The following RBM38 variants were observed in gnomAD, a reference collection of about 807,000 sequenced individuals.
RBM38 encodes the protein RNA-binding protein 38.
RBM38 carries 11 observed loss-of-function variants against 23.5 expected under a neutral mutation model. That is an observed-to-expected ratio of 0.47 (90% CI 0.29 to 0.77). The LOEUF (loss-of-function observed/expected upper bound fraction) is 0.77, where lower values mean the gene tolerates loss of function less well. RBM38 is among the 30% of genes least tolerant of loss of function. The probability of loss-of-function intolerance (pLI) is 0.08; values close to 1 mark genes in which losing one functional copy is unlikely to be tolerated. For synonymous variants in RBM38, 165 were observed against 166.1 expected (o/e 0.99, Z 0.05); for missense variants, 330 against 351.9 (o/e 0.94, Z 0.50).
rs1293896957 is a variant in RBM38 at position 57,392,773 on chromosome 20, G to A, written c.357G>A (p.Gln119=). The A allele has an allele frequency of 6.8e-6, 11 of 1,612,898 alleles. No individual in the cohort carries two copies. The highest frequency in any genetic ancestry group is 1.1e-5 in the South Asian group (1 of 91,076). The change falls in exon 2 of 4, where the codon CAG becomes CAA. Residue 119 remains glutamine (Q), a synonymous_variant. Transcript: ENST00000356208. ...TGGGCGCCAAGCCGCGGAGCCTCCA[G>A]ACGGGTGAGAGCTTGTGTTTTCCTG... is the stretch of plus-strand genomic sequence containing the variant. ...AYLGAKPRSL[Q]TGFAIGVQQL...
rs559155972 is a variant in RBM38 at position 57,396,037 on chromosome 20, C to G, written c.416+2704C>G. On this transcript the variant is annotated intron_variant, in intron 3 of 3. Coordinates refer to ENST00000356208, the MANE Select transcript of RBM38 (RefSeq NM_017495.6). ...CTTTTATACCTTGCCCTGGACAACTCTGAAGATCCCACAGCTCTGCTTTTA... is the reference window on the plus strand; with the variant it reads ...CTTTTATACCTTGCCCTGGACAACTGTGAAGATCCCACAGCTCTGCTTTTA... 9.8e-5 allele frequency among the ~76,000 whole-genome samples: 15 copies of G among 152,364 alleles called. No individual in the cohort carries two copies. In the East Asian group the frequency reaches 2.5e-3, roughly 25 times the overall value.
intron 3 of RBM38, among the ~76,000 whole-genome samples, chr20:57,403,268 G>T (rs536921321): frequency 1.3e-5 from 2 of 152,182 alleles, no homozygotes; most frequent in Admixed American, 6.5e-5. Context: ...AGGAAACTGC[G>T]CCTTGGAAGT....
chr20:57,402,493 G>A (rs550311885), intron 3 of RBM38, among the ~76,000 whole-genome samples: 1 of 152,206 alleles, frequency 6.6e-6, no homozygotes, highest in Non-Finnish European at 1.5e-5. Flanking sequence ...GAGAGTGCAG[G>A]AGAGTCCCAC....
At chr20:57,400,391 C>T (rs1457275640) in intron 3 of RBM38, among the ~76,000 whole-genome samples, 2 of 152,188 alleles carry the variant, frequency 1.3e-5, no homozygotes, top group Admixed American at 1.3e-4. Context: ...TCCCCCTGTC[C>T]TCTCCTGGGC....
Position 57,392,674 on chromosome 20 carries a change from G to A in RBM38, c.258G>A (p.Ala86=), listed in dbSNP as rs2067232634. The change falls in exon 2 of 4, where the codon GCG becomes GCA. Residue 86 remains alanine (A), a synonymous_variant. Coordinates refer to ENST00000356208, the MANE Select transcript of RBM38 (RefSeq NM_017495.6). ...GYGFVTMADR[A]AAERACKDPN... ...ACCAGGTGACCATGGCCGACCGGGC[G>A]GCAGCTGAGAGGGCTTGCAAAGACC... 2 of 1,612,462 alleles carry A rather than the reference G, an allele frequency of 1.2e-6. No homozygotes were observed. Among genetic ancestry groups the A allele is most frequent in the Non-Finnish European group, 1.7e-6 (2 of 1,179,734 alleles).
At chr20:57,404,980 G>A (rs138993001) in intron 3 of RBM38, among the ~76,000 whole-genome samples, 43 of 152,318 alleles carry the variant, frequency 2.8e-4, no homozygotes, top group Non-Finnish European at 5.9e-4. Context: ...GCCACGAGAG[G>A]GTTGTGCACA....
rs2067394981 is a variant in RBM38 at position 57,407,255 on chromosome 20, G to C, written c.417-288G>C. On this transcript the variant is annotated intron_variant, in intron 3 of 3. Coordinates refer to ENST00000356208, the MANE Select transcript of RBM38 (RefSeq NM_017495.6). The surrounding 1 kb of genome is among the most constrained non-coding windows in gnomAD (Gnocchi z 4.0). Reference sequence around the variant, plus strand: ...ATTCAAGATTTTTATTTTTGCACCAGCTCCGGGGATGTGGGGTGTAGGGCT... The same window carrying C: ...ATTCAAGATTTTTATTTTTGCACCACCTCCGGGGATGTGGGGTGTAGGGCT... Among the ~76,000 whole-genome samples the C allele has an allele frequency of 6.6e-6, 1 of 152,194 alleles. No individual in the cohort carries two copies. Among genetic ancestry groups the C allele is most frequent in the South Asian group, 2.1e-4 (1 of 4,838 alleles).
intron 3 of RBM38, among the ~76,000 whole-genome samples, chr20:57,400,986 C>T (rs1055293756): frequency 6.6e-6 from 1 of 152,190 alleles, no homozygotes; most frequent in Non-Finnish European, 1.5e-5. Context: ...GGAGCAAGTG[C>T]CGTGTGCCCA....
chr20:57,392,837 T>TGTC, intron 2 of RBM38, 60 bp downstream of exon 2: 1 of 1,582,340 alleles, frequency 6.3e-7, no homozygotes, highest in Non-Finnish European at 8.6e-7. Context: ...TGTCGGTATC[T>TGTC]GTCGGGTGGA....
intron 3 of RBM38, among the ~76,000 whole-genome samples, chr20:57,404,798 T>C (rs983161606): frequency 2.0e-5 from 3 of 152,170 alleles, no homozygotes; most frequent in Non-Finnish European, 2.9e-5. Context: ...CCATGTGGGG[T>C]TGGGCCTCGC....
rs73917114 is a variant in RBM38 at position 57,393,400 on chromosome 20, C to G, written c.416+67C>G. ...ATGAAGTGGAGAGGGCCTTGGGCTTCCTGGGTCTGGAAGGCTGGGGAAATG... is the reference window on the plus strand; with the variant it reads ...ATGAAGTGGAGAGGGCCTTGGGCTTGCTGGGTCTGGAAGGCTGGGGAAATG... On this transcript the variant is annotated intron_variant, in intron 3 of 3. Transcript: ENST00000356208. The G allele has an allele frequency of 2.6e-3, 3,891 of 1,505,904 alleles. 84 individuals are homozygous for G. The African/African-American group carries it at 0.047, about 18-fold the overall frequency. 93.3% of individuals were successfully genotyped at this position (1,505,904 alleles called of 1,614,324 possible). A position where few individuals can be genotyped will look rare whatever the true frequency, so the allele number is the denominator to read the frequency against.
Position 57,407,188 on chromosome 20 carries a change from C to T in RBM38, c.417-355C>T, listed in dbSNP as rs2067394297. 6.6e-6 allele frequency among the ~76,000 whole-genome samples: 1 copy of T among 152,126 alleles called. No homozygotes were observed. Among genetic ancestry groups the T allele is most frequent in the Admixed American group, 6.5e-5 (1 of 15,280 alleles). Reference sequence around the variant, plus strand: ...CGGGCCCTGCTCTTGATCGCATGCTCCGCCGTCGTGGCTTCAAACTCTCAA... The same window carrying T: ...CGGGCCCTGCTCTTGATCGCATGCTTCGCCGTCGTGGCTTCAAACTCTCAA... On this transcript the variant is annotated intron_variant, in intron 3 of 3. Coordinates refer to ENST00000356208, the MANE Select transcript of RBM38 (RefSeq NM_017495.6). The surrounding 1 kb of genome is among the most constrained non-coding windows in gnomAD (Gnocchi z 4.0).
chr20:57,406,720 A>T (rs556507430), intron 3 of RBM38, among the ~76,000 whole-genome samples: 1 of 152,044 alleles, frequency 6.6e-6, no homozygotes, highest in African/African-American at 2.4e-5. Flanking sequence ...AGGGCTGGGC[A>T]CGGTGGCTCA....
intron 3 of RBM38, among the ~76,000 whole-genome samples, chr20:57,396,752 TC>T (rs2146206817): frequency 6.6e-6 from 1 of 152,244 alleles, no homozygotes; most frequent in South Asian, 2.1e-4. Context: ...TTGCCAAATG[TC>T]CCCTGGATTT....
intron 3 of RBM38, chr20:57,400,008 C>T (rs2067311658): frequency 2.2e-6 from 1 of 456,166 alleles, no homozygotes; most frequent in Admixed American, 2.3e-5. Flanking sequence ...TGAGTGTGGG[C>T]AGCATGTGTC....
chr20:57,394,967 C>T (rs951464946), intron 3 of RBM38, among the ~76,000 whole-genome samples: 7 of 152,242 alleles, frequency 4.6e-5, no homozygotes, highest in African/African-American at 1.7e-4. Context: ...AGTGCTTGGC[C>T]TCTGGGGCCT....
Position 57,409,276 on chromosome 20 carries a change from A to G in RBM38, c.*1430A>G, listed in dbSNP as rs996841080. On this transcript the variant is annotated 3_prime_UTR_variant, in exon 4 of 4. Coordinates refer to ENST00000356208, the MANE Select transcript of RBM38 (RefSeq NM_017495.6). ...AATAAAGGTAGCTAATCTCATCATA[A>G]TATTTTTATTAGAATGTTCTGATGA... The G allele has an allele frequency of 6.6e-6, 1 of 152,516 alleles. No homozygotes were observed. Among genetic ancestry groups the G allele is most frequent in the East Asian group, 1.9e-4 (1 of 5,202 alleles). The allele number at this position is 152,516 out of a possible 1,614,324, so 9.4% of individuals were successfully genotyped here.
In RBM38 at chr20:57,408,197, C is replaced by T. The variant is rs968649435; in HGVS notation, c.*351C>T. The T allele has an allele frequency of 1.5e-5, 6 of 390,382 alleles. No homozygotes were observed. The highest frequency in any genetic ancestry group is 2.4e-5 in the South Asian group (1 of 41,116). The allele number at this position is 390,382 out of a possible 1,614,324, so 24.2% of individuals were successfully genotyped here. ...TTGTGTCCCCACTGCTGCATCGTGG[C>T]GGGGTGTCACAGACCCTCTGCAGCC... On this transcript the variant is annotated 3_prime_UTR_variant, in exon 4 of 4. Coordinates refer to ENST00000356208, the MANE Select transcript of RBM38 (RefSeq NM_017495.6).
At chr20:57,395,632 C>A (rs1290292468) in intron 3 of RBM38, among the ~76,000 whole-genome samples, 1 of 144,430 alleles carries the variant, frequency 6.9e-6, no homozygotes, top group African/African-American at 2.9e-5. Context: ...GAGAATCGCG[C>A]CGCCTCCTGC....
Sources: gnomAD v4.1 joint callset for allele counts (sites outside exome capture counted in the v4.1 genomes callset) on GRCh38, gnomAD v4.1.1 for gene constraint, Gnocchi (gnomAD v3.1) non-coding constraint, MANE v1.5 for transcripts, NCBI Gene and HGNC (gene_info 2026-07-23, HGNC 2026-07-21) for gene names.